Variants in WDR91 observed in about 807,000 individuals in gnomAD.
WDR91 encodes the protein WD repeat-containing protein 91.
Under a neutral mutation model 88.4 loss-of-function variants are expected in WDR91, and 52 were observed. The observed-to-expected ratio is 0.59, with a 90% CI of 0.47 to 0.74. The LOEUF is 0.74. Ranked by LOEUF, WDR91 falls within the 30% of genes least tolerant of loss-of-function variation. The pLI is 0.00. For missense variants in WDR91, 824 were observed against 954.5 expected, an observed-to-expected ratio of 0.86 and a Z score of 1.80; for synonymous variants, 362 against 389.5, an observed-to-expected ratio of 0.93 and a Z score of 0.83.
chr7:135,197,101 C>A (rs1402287868), intron 7 of WDR91: 2 of 152,114 alleles, frequency 1.3e-5, no homozygotes, highest in Non-Finnish European at 2.9e-5. Flanking sequence ...GCCCTGGGGT[C>A]CGGATGCTCC....
Position 135,208,164 on chromosome 7 carries a change from CTCT to C in WDR91, c.511+624_511+626del, listed in dbSNP as rs1445367069. On this transcript the variant is annotated intron_variant, in intron 3 of 14. Transcript: ENST00000354475. ...ATTCAAGCCAGACTCCCTTCTCCTCCTCTAAATTTCCAGCCTAGGGAGCATGAA... is the reference window on the plus strand; with the variant it reads ...ATTCAAGCCAGACTCCCTTCTCCTCCAAATTTCCAGCCTAGGGAGCATGAA... 4.6e-5 allele frequency among the ~76,000 whole-genome samples: 7 copies of C among 152,322 alleles called. No individual in the cohort carries two copies. In the East Asian group the frequency reaches 9.6e-4, roughly 21 times the overall value.
rs150657265 is a variant in WDR91, at chr7:135,187,057, T to C, written c.1994A>G (p.Gln665Arg). 1.2e-6 allele frequency: 2 copies of C among 1,614,148 alleles called. No individual in the cohort carries two copies. Among genetic ancestry groups the C allele is most frequent in the Non-Finnish European group, 1.7e-6 (2 of 1,180,062 alleles). Residue 665 changes from glutamine to arginine, a missense_variant, in exon 14 of 15, where the codon CAA (glutamine) becomes CGA (arginine). Physicochemically the swap from Gln to Arg is conservative, Grantham distance 43. Transcript: ENST00000354475. ...AGCGAAGAGTCGGCCCCTGGGGACT[T>C]GAACCTGCTTGTAGCCGCTGTATCC... ...LSGYSGYKQV[Q>R]VPRGRLFAFD...
At chr7:135,190,774 G>C (rs899990446) in intron 11 of WDR91, among the ~76,000 whole-genome samples, 5 of 152,166 alleles carry the variant, frequency 3.3e-5, no homozygotes, top group African/African-American at 1.2e-4. Context: ...TAGTAGAGGA[G>C]AGATTAGCAA....
chr7:135,211,520 T>A lies in WDR91; in HGVS notation c.-18A>T. 6.2e-6 allele frequency: 10 copies of A among 1,605,204 alleles called. No individual in the cohort carries two copies. Among genetic ancestry groups the A allele is most frequent in the Non-Finnish European group, 7.6e-6 (9 of 1,178,298 alleles). On this transcript the variant is annotated 5_prime_UTR_variant, in exon 1 of 15. Coordinates refer to ENST00000354475, the MANE Select transcript of WDR91 (RefSeq NM_014149.4). The stretch of plus-strand genomic sequence containing the variant: ...TCCGCCATCGCAGCGCTAGCGTCTT[T>A]AGGGGTGGTGCGGTGAGGGACGGAG...
chr7:135,198,056 C>T lies in WDR91; in HGVS notation c.987G>A (p.Arg329=), dbSNP rs1240387824. The part of the protein sequence containing the change: ...ATGESGWSQH[R]QRRLQDHGKE... The stretch of plus-strand genomic sequence containing the variant: ...TGCCATGGTCCTGCAGGCGCCGCTG[C>T]CGGTGCTGTGACCAACCGGACTCCC... Residue 329 remains arginine, a synonymous_variant, in exon 7 of 15, where the codon CGG becomes CGA. Coordinates refer to ENST00000354475, the MANE Select transcript of WDR91 (RefSeq NM_014149.4). 6.2e-7 allele frequency: 1 copy of T among 1,614,186 alleles called. No homozygotes were observed. The highest frequency in any genetic ancestry group is 1.7e-5 in the Admixed American group (1 of 60,026).
intron 11 of WDR91, among the ~76,000 whole-genome samples, chr7:135,192,927 G>T (rs1001681545): frequency 1.3e-5 from 2 of 152,136 alleles, no homozygotes; most frequent in African/African-American, 4.8e-5. Context: ...GCTGGCTGCT[G>T]CTGCTATAAT....
intron 10 of WDR91, 31 bp from the exon 11 acceptor site, chr7:135,193,430 T>C: frequency 1.2e-6 from 2 of 1,611,848 alleles, no homozygotes; most frequent in Non-Finnish European, 1.7e-6. Context: ...GGTCAGACCC[T>C]CTGCCTGCCC....
At chr7:135,197,136 G>A (rs1831404624) in intron 7 of WDR91, 1 of 152,144 alleles carries the variant, frequency 6.6e-6, no homozygotes, top group South Asian at 2.1e-4. Context: ...CAGAGAGGCA[G>A]GAGGAGGAGT....
chr7:135,202,421 A>C (rs1218425570), intron 6 of WDR91: 1 of 152,256 alleles, frequency 6.6e-6, no homozygotes, highest in South Asian at 2.1e-4. Flanking sequence ...GAGGAACTAC[A>C]AACTGCTCTG....
At chr7:135,210,241 T>TCGG (rs1322318822) in intron 1 of WDR91, among the ~76,000 whole-genome samples, 1 of 152,104 alleles carries the variant, frequency 6.6e-6, no homozygotes, top group Non-Finnish European at 1.5e-5. Flanking sequence ...TCCCAGCTAC[T>TCGG]CGGGAGGCTG....
rs773652916 is a variant in WDR91, at chr7:135,187,071, GCCGCTGTAT to G, written c.1971_1979del (p.Ser659_Tyr661del). 6.2e-7 allele frequency: 1 copy of G among 1,614,248 alleles called. No individual in the cohort carries two copies. The highest frequency in any genetic ancestry group is 2.2e-5 in the East Asian group (1 of 44,882). ...CCCTGGGGACTTGAACCTGCTTGTA[GCCGCTGTAT>G]CCAGACAGCACAAAGGGGCCCGTGG... On this transcript the variant is annotated inframe_deletion, in exon 14 of 15. Coordinates refer to ENST00000354475, the MANE Select transcript of WDR91 (RefSeq NM_014149.4).
chr7:135,196,524 T>C lies in WDR91; in HGVS notation c.1051-187A>G, dbSNP rs1025149627. Among the ~76,000 whole-genome samples, 5 of 152,094 alleles carry C rather than the reference T, an allele frequency of 3.3e-5. No individual in the cohort carries two copies. Among genetic ancestry groups the C allele is most frequent in the African/African-American group, 1.2e-4 (5 of 41,428 alleles). On this transcript the variant is annotated intron_variant, in intron 7 of 14. Coordinates refer to ENST00000354475, the MANE Select transcript of WDR91 (RefSeq NM_014149.4). This position sits in a 1 kb window ranked among gnomAD's most constrained non-coding sequence, Gnocchi z 4.2. ...CCCTGGGAGAGTGCAGGGCCTGCCC[T>C]CCTGACAGCCCCTTCCTGGAGACTT...
rs1344471627 is a variant in WDR91 at position 135,211,432 on chromosome 7, G to A, written c.71C>T (p.Thr24Ile). The change falls in exon 1 of 15, where the codon ACA (threonine) becomes ATA (isoleucine). Residue 24 changes from threonine to isoleucine, a missense_variant. Physicochemically the swap from Thr to Ile is moderately conservative, Grantham distance 89. Transcript: ENST00000354475. ...GATCTCGGCGTCCAGCTGCCGCAGTGTGTGCGTGAACCCGCGGAAGAGCAG... is the reference window on the plus strand; with the variant it reads ...GATCTCGGCGTCCAGCTGCCGCAGTATGTGCGTGAACCCGCGGAAGAGCAG... ...EYLLFRGFTH[T>I]LRQLDAEIKA... is the part of the protein sequence containing the mutation. 1 of 1,612,492 alleles carries A rather than the reference G, an allele frequency of 6.2e-7. No individual in the cohort carries two copies. The highest frequency in any genetic ancestry group is 1.1e-5 in the South Asian group (1 of 90,998).
intron 11 of WDR91, among the ~76,000 whole-genome samples, chr7:135,191,216 A>T (rs1173679155): frequency 6.6e-6 from 1 of 152,234 alleles, no homozygotes; most frequent in South Asian, 2.1e-4. Context: ...AGAAAAACAC[A>T]TATACTGTGG....
At chr7:135,186,339 G>A (rs374540923) in intron 14 of WDR91, 24 bp from the exon 15 acceptor site, 29 of 1,605,900 alleles carry the variant, frequency 1.8e-5, no homozygotes, top group Non-Finnish European at 2.5e-5. Context: ...GGAAAGAGGA[G>A]GAGGTGTCAG....
chr7:135,192,257 A>G (rs1831197807), intron 11 of WDR91, among the ~76,000 whole-genome samples: 1 of 152,050 alleles, frequency 6.6e-6, no homozygotes, highest in South Asian at 2.1e-4. Context: ...AGCTGGGACT[A>G]CAAGTGAGCA....
At chr7:135,189,819 G>T (rs772233770) in intron 11 of WDR91, among the ~76,000 whole-genome samples, 2 of 152,184 alleles carry the variant, frequency 1.3e-5, no homozygotes, top group African/African-American at 4.8e-5. Context: ...AACTGCCTTT[G>T]ATGACAGACA....
intron 13 of WDR91, among the ~76,000 whole-genome samples, chr7:135,187,848 CTCCTT>C (rs1220913110): frequency 6.6e-6 from 1 of 152,270 alleles, no homozygotes; most frequent in East Asian, 1.9e-4. Flanking sequence ...TTTGTAGTTA[CTCCTT>C]TCAAGGGATA....
chr7:135,185,054 G>A lies in WDR91; in HGVS notation c.*1097C>T, dbSNP rs1830886198. On this transcript the variant is annotated 3_prime_UTR_variant, in exon 15 of 15. Coordinates refer to ENST00000354475, the MANE Select transcript of WDR91 (RefSeq NM_014149.4). ...CTGGCTAATTTTGGTATTTTTAGTA[G>A]AGATGGGGTTTCACCATGTTGGCCA... 1.3e-5 allele frequency: 2 copies of A among 152,264 alleles called. No homozygotes were observed. The highest frequency in any genetic ancestry group is 4.8e-5 in the African/African-American group (2 of 41,494). The allele number at this position is 152,264 out of a possible 1,614,324, so 9.4% of individuals were successfully genotyped here.
Sources: gnomAD v4.1 joint callset for allele counts (sites outside exome capture counted in the v4.1 genomes callset) on GRCh38, gnomAD v4.1.1 for gene constraint, Gnocchi (gnomAD v3.1) non-coding constraint, MANE v1.5 for transcripts, NCBI Gene and HGNC (gene_info 2026-07-23, HGNC 2026-07-21) for gene names.